ITSN2: variants seen among roughly 807,000 people sequenced by gnomAD.
ITSN2 encodes the protein intersectin 2.
Under a neutral mutation model 243.7 loss-of-function variants are expected in ITSN2, and 156 were observed. The observed-to-expected ratio is 0.64, with a 90% CI of 0.56 to 0.73. ITSN2 has a LOEUF of 0.73. Ranked by LOEUF, ITSN2 falls within the 30% of genes least tolerant of loss-of-function variation. ITSN2 has a pLI of 0.00. For synonymous variants in ITSN2, 703 were observed against 699.9 expected (o/e 1.00, Z -0.07); for missense variants, 1,801 against 1,996.1 (o/e 0.90, Z 1.86).
chr2:24,352,702 A>T (rs994357180), intron 1 of ITSN2, among the ~76,000 whole-genome samples: 1 of 152,220 alleles, frequency 6.6e-6, no homozygotes, highest in African/African-American at 2.4e-5. Context: ...GGACAGGAAT[A>T]GCAAACTAAT....
intron 29 of ITSN2, among the ~76,000 whole-genome samples, chr2:24,224,332 C>T (rs1670805990): frequency 6.6e-6 from 1 of 152,296 alleles, no homozygotes; most frequent in Non-Finnish European, 1.5e-5. Context: ...CATTATGTTT[C>T]TTCTAATAAT....
At chr2:24,302,880 C>T (rs1681960995) in intron 9 of ITSN2, among the ~76,000 whole-genome samples, 1 of 152,144 alleles carries the variant, frequency 6.6e-6, no homozygotes, top group Non-Finnish European at 1.5e-5. Flanking sequence ...TATCAGTCAA[C>T]AATGGACTGC....
At chr2:24,357,248 T>C (rs1213787440) in intron 1 of ITSN2, among the ~76,000 whole-genome samples, 1 of 152,158 alleles carries the variant, frequency 6.6e-6, no homozygotes, top group Admixed American at 6.5e-5. Context: ...AATGATAGAC[T>C]GGATAAAGAA....
chr2:24,336,264 T>C (rs1432826840), intron 1 of ITSN2, among the ~76,000 whole-genome samples: 1 of 146,700 alleles, frequency 6.8e-6, no homozygotes. Context: ...AAAAAAAAAG[T>C]TTCCCAACTT....
At chr2:24,229,419 T>C (rs900009839) in intron 29 of ITSN2, among the ~76,000 whole-genome samples, 3 of 151,966 alleles carry the variant, frequency 2.0e-5, no homozygotes, top group Non-Finnish European at 2.9e-5. Flanking sequence ...CGAAACCCCA[T>C]CTCTATTAAA....
chr2:24,323,669 G>T (rs913139173), intron 2 of ITSN2, among the ~76,000 whole-genome samples: 1 of 151,978 alleles, frequency 6.6e-6, no homozygotes, highest in Admixed American at 6.6e-5. Context: ...GAAACTCATC[G>T]AACCGTATAC....
At chr2:24,331,724 G>A (rs1488946670) in intron 1 of ITSN2, among the ~76,000 whole-genome samples, 5 of 152,146 alleles carry the variant, frequency 3.3e-5, no homozygotes, top group Non-Finnish European at 7.3e-5. Context: ...CAGGCAATCT[G>A]GACTTTCCAG....
rs573815893 is a variant in ITSN2, at chr2:24,350,187, C to T, written c.-34+10117G>A. ...CAATAGCCCCTGAGAACTGAGGAGA[C>T]GGCTTGTATTTCTGGTTCATGATCC... On this transcript the variant is annotated intron_variant, in intron 1 of 39. Coordinates refer to ENST00000355123, the MANE Select transcript of ITSN2 (RefSeq NM_006277.3). Among the ~76,000 whole-genome samples the T allele has an allele frequency of 5.9e-5, 9 of 152,068 alleles. No homozygotes were observed. In the South Asian group the frequency reaches 6.2e-4, roughly 11 times the overall value.
At chr2:24,261,024 G>T in intron 22 of ITSN2, 82 bp downstream of exon 22, 1 of 1,251,586 alleles carries the variant, frequency 8.0e-7, no homozygotes, top group Non-Finnish European at 1.1e-6. Context: ...TGAGTGAATG[G>T]TCCTTTGTAT....
intron 2 of ITSN2, among the ~76,000 whole-genome samples, chr2:24,318,869 G>A (rs1684229092): frequency 6.6e-6 from 1 of 152,200 alleles, no homozygotes; most frequent in African/African-American, 2.4e-5. Flanking sequence ...CACAGAAGGT[G>A]AGCGGTGGGC....
At chr2:24,245,572 C>T (rs539767901) in intron 29 of ITSN2, among the ~76,000 whole-genome samples, 18 of 151,876 alleles carry the variant, frequency 1.2e-4, no homozygotes, top group African/African-American at 3.6e-4. Flanking sequence ...CTTAACCTCC[C>T]GGGTTCAAGA....
At chr2:24,229,743 C>A (rs183710533) in intron 29 of ITSN2, among the ~76,000 whole-genome samples, 1 of 152,250 alleles carries the variant, frequency 6.6e-6, no homozygotes, top group Admixed American at 6.5e-5. Flanking sequence ...TCCTAATCTC[C>A]CCAGGTAGCC....
chr2:24,260,896 T>G (rs1014855904), intron 22 of ITSN2, among the ~76,000 whole-genome samples: 1 of 90,770 alleles, frequency 1.1e-5, no homozygotes, highest in African/African-American at 4.8e-5. Context: ...AGAGTGAGGC[T>G]CCGTCTCAAA....
chr2:24,211,028 A>G lies in ITSN2; in HGVS notation c.4090-81T>C, dbSNP rs1669442052. The G allele has an allele frequency of 8.0e-6, 11 of 1,373,416 alleles. No individual in the cohort carries two copies. In the South Asian group the frequency reaches 1.2e-4, roughly 16 times the overall value. The allele number at this position is 1,373,416 out of a possible 1,614,324, so 85.1% of individuals were successfully genotyped here. On this transcript the variant is annotated intron_variant, in intron 33 of 39. Transcript: ENST00000355123. This position sits in a 1 kb window ranked among gnomAD's most constrained non-coding sequence, Gnocchi z 4.1. ...TGGACCTTCGCAGGACCGCTCCTCC[A>G]ACCCCATGTTATGGACTGCTTCCAT...
At chr2:24,278,983 T>C (rs561500477) in intron 17 of ITSN2, among the ~76,000 whole-genome samples, 1 of 152,348 alleles carries the variant, frequency 6.6e-6, no homozygotes, top group Admixed American at 6.5e-5. Context: ...GAATGATAGA[T>C]TATCTCTTTT....
At chr2:24,327,697 A>C (rs1488586638) in intron 2 of ITSN2, among the ~76,000 whole-genome samples, 1 of 152,180 alleles carries the variant, frequency 6.6e-6, no homozygotes, top group African/African-American at 2.4e-5. Flanking sequence ...ATATTACTAA[A>C]TTAATCTTTA....
intron 2 of ITSN2, among the ~76,000 whole-genome samples, chr2:24,317,928 T>C (rs1406000673): frequency 2.0e-5 from 3 of 152,204 alleles, no homozygotes; most frequent in Non-Finnish European, 4.4e-5. Flanking sequence ...TGCCTCAAAC[T>C]ATTGACAGTA....
intron 32 of ITSN2, 82 bp downstream of exon 32, chr2:24,215,967 T>C (rs1669918039): frequency 9.6e-7 from 1 of 1,038,130 alleles, no homozygotes; most frequent in African/African-American, 1.6e-5. Flanking sequence ...TCTCCATTGC[T>C]GGGATTCCCT....
At chr2:24,247,634 C>T (rs1673559726) in intron 27 of ITSN2, among the ~76,000 whole-genome samples, 1 of 152,202 alleles carries the variant, frequency 6.6e-6, no homozygotes, top group East Asian at 1.9e-4. Context: ...GCATCTCAAA[C>T]TACTGCTGAA....
Sources: gnomAD v4.1 joint callset for allele counts (sites outside exome capture counted in the v4.1 genomes callset) on GRCh38, gnomAD v4.1.1 for gene constraint, Gnocchi (gnomAD v3.1) non-coding constraint, MANE v1.5 for transcripts, NCBI Gene and HGNC (gene_info 2026-07-23, HGNC 2026-07-21) for gene names.